Variants in ABHD14A observed in about 807,000 individuals in gnomAD.
ABHD14A encodes protein ABHD14A.
ABHD14A carries 19 observed loss-of-function variants against 27.0 expected under a neutral mutation model. The ratio of observed to expected loss-of-function variants is 0.70; its 90% confidence interval spans 0.49 to 1.03. The LOEUF (loss-of-function observed/expected upper bound fraction) is 1.03. ABHD14A is among the 50% of genes least tolerant of loss of function. The pLI is 0.00. For synonymous variants in ABHD14A, 148 were observed against 158.8 expected (o/e 0.93, Z 0.51); for missense variants, 311 against 344.6 (o/e 0.90, Z 0.77).
In ABHD14A at chr3:51,980,675, T is replaced by TGGGGG. The variant is rs753007139; in HGVS notation, c.633+50_633+54dup. The TGGGGG allele has an allele frequency of 1.9e-6, 3 of 1,590,618 alleles. No homozygotes were observed. The South Asian group carries it at 3.4e-5, about 18-fold the overall frequency. ...AGGTCCTGGCACCCTGTCTGTGGCT[T>TGGGGG]GGGGGGGTTCAGGACTCAAGTCTTA... On this transcript the variant is annotated intron_variant, in intron 4 of 4. Coordinates refer to ENST00000273596, the MANE Select transcript of ABHD14A (RefSeq NM_015407.5).
intron 1 of ABHD14A, among the ~76,000 whole-genome samples, chr3:51,975,547 G>A (rs927166372): frequency 3.3e-5 from 5 of 151,884 alleles, no homozygotes; most frequent in African/African-American, 1.2e-4. Flanking sequence ...TTAAGGGTAT[G>A]TGTCTACCTG....
intron 3 of ABHD14A, among the ~76,000 whole-genome samples, chr3:51,979,682 A>G (rs1478544980): frequency 2.0e-5 from 3 of 151,348 alleles, no homozygotes; most frequent in Non-Finnish European, 2.9e-5. Context: ...ACAGGGTTTC[A>G]CCATGTTGGT....
intron 1 of ABHD14A, 136 bp from the exon 2 acceptor site, chr3:51,977,735 T>C: frequency 7.4e-6 from 6 of 815,580 alleles, no homozygotes; most frequent in South Asian, 4.9e-5. Context: ...TCCCAGAACT[T>C]TGCCCAGAGC....
In ABHD14A at chr3:51,975,079, T is replaced by A; in HGVS notation, c.-57T>A. On this transcript the variant is annotated 5_prime_UTR_variant, in exon 1 of 5. An upstream start codon of the reference 5' UTR is lost. Transcript: ENST00000273596. ...TGCGGAGTGCGCAGGCGCGCCGAGA[T>A]GGCCGCGCTCCTGGCCGCCTAGAGC... 1 of 1,269,742 alleles carries A rather than the reference T, an allele frequency of 7.9e-7. No homozygotes were observed. Among genetic ancestry groups the A allele is most frequent in the Non-Finnish European group, 9.9e-7 (1 of 1,007,110 alleles). 78.7% of individuals were successfully genotyped at this position (1,269,742 alleles called of 1,614,324 possible).
chr3:51,981,124 G>A lies in ABHD14A; in HGVS notation c.*106G>A. The A allele has an allele frequency of 7.8e-7, 1 of 1,278,888 alleles. No individual in the cohort carries two copies. The highest frequency in any genetic ancestry group is 1.1e-6 in the Non-Finnish European group (1 of 918,406). 79.2% of individuals were successfully genotyped at this position (1,278,888 alleles called of 1,614,324 possible). A position where few individuals can be genotyped will look rare whatever the true frequency, so the allele number is the denominator to read the frequency against. On this transcript the variant is annotated 3_prime_UTR_variant, in exon 5 of 5. Coordinates refer to ENST00000273596, the MANE Select transcript of ABHD14A (RefSeq NM_015407.5). ...TCTGGGATTGGAGGCCAGAGGCCAG[G>A]GTCAGACCCAGCCAGGACTCCTCAT... is the stretch of plus-strand genomic sequence containing the variant.
intron 1 of ABHD14A, among the ~76,000 whole-genome samples, chr3:51,977,212 AG>A (rs1466932240): frequency 6.6e-6 from 1 of 152,232 alleles, no homozygotes; most frequent in African/African-American, 2.4e-5. Context: ...TATTAAATGC[AG>A]TGAGATTAAA....
intron 2 of ABHD14A, 33 bp downstream of exon 2, chr3:51,978,115 C>T: frequency 6.3e-7 from 1 of 1,599,150 alleles, no homozygotes; most frequent in Non-Finnish European, 8.5e-7. Context: ...AGTGGAGGGA[C>T]TAGGCTCAAG....
chr3:51,978,087 G>C lies in ABHD14A; in HGVS notation c.281+5G>C. On this transcript the variant is annotated splice_donor_5th_base_variant and intron_variant, in intron 2 of 4. Coordinates refer to ENST00000273596, the MANE Select transcript of ABHD14A (RefSeq NM_015407.5). ...CCCACTCAACCAGGCACACAGGTAG[G>C]TGCTGCTCCAAGGGTCTAGTGGAGG... 1 of 1,612,598 alleles carries C rather than the reference G, an allele frequency of 6.2e-7. No individual in the cohort carries two copies.
chr3:51,977,748 G>C (rs1700815855), intron 1 of ABHD14A, 123 bp from the exon 2 acceptor site: 1 of 943,400 alleles, frequency 1.1e-6, no homozygotes, highest in African/African-American at 1.6e-5. Flanking sequence ...CCCAGAGCAA[G>C]GGAAAGGGCA....
rs1380191612 is a variant in ABHD14A, at chr3:51,978,454, G to GTGGCAGGTCACAACATAAGGTGGCA, written c.397+81_397+105dup. 42 of 1,059,692 alleles carry GTGGCAGGTCACAACATAAGGTGGCA rather than the reference G, an allele frequency of 4.0e-5. No individual in the cohort carries two copies. In the African/African-American group the frequency reaches 6.6e-4, roughly 17 times the overall value. 65.6% of individuals were successfully genotyped at this position (1,059,692 alleles called of 1,614,324 possible). A position where few individuals can be genotyped will look rare whatever the true frequency, so the allele number is the denominator to read the frequency against. On this transcript the variant is annotated intron_variant, in intron 3 of 4. Transcript: ENST00000273596. ...CTGGACCCTAGGGTCTGGACAGGCC[G>GTGGCAGGTCACAACATAAGGTGGCA]TGGCAGGTCACAACATAAGGTGGCA...
intron 3 of ABHD14A, 53 bp from the exon 4 acceptor site, chr3:51,980,340 A>T (rs564653488): frequency 9.6e-5 from 149 of 1,555,240 alleles, no homozygotes; most frequent in Non-Finnish European, 1.3e-4. Flanking sequence ...GTGGGCAGGA[A>T]GTCCTGTGCC....
intron 4 of ABHD14A, 86 bp from the exon 5 acceptor site, chr3:51,980,750 G>C (rs756472355): frequency 3.8e-6 from 6 of 1,564,900 alleles, no homozygotes; most frequent in South Asian, 1.2e-5. Flanking sequence ...GAGTTGGATG[G>C]TGTTGGGGAA....
chr3:51,978,528 GA>G (rs1184422036), intron 3 of ABHD14A, 154 bp downstream of exon 3: 11 of 510,310 alleles, frequency 2.2e-5, no homozygotes, highest in Non-Finnish European at 3.4e-5. Context: ...ACTACAGTGT[GA>G]ATTCTAGGTC....
At chr3:51,975,325 A>C in intron 1 of ABHD14A, 121 bp downstream of exon 1, 1 of 917,972 alleles carries the variant, frequency 1.1e-6, no homozygotes, top group Non-Finnish European at 1.4e-6. Context: ...GGGGCCGCGA[A>C]TGTGCATGTG....
chr3:51,976,477 A>C (rs982271876), intron 1 of ABHD14A, among the ~76,000 whole-genome samples: 22 of 151,998 alleles, frequency 1.4e-4, no homozygotes, highest in South Asian at 4.1e-4. Context: ...CAGTTCGAGA[A>C]CAGCCTGGCC....
rs368163729 is a variant in ABHD14A at position 51,980,947 on chromosome 3, C to G, written c.745C>G (p.His249Asp). Reference protein sequence around the residue: ...HSVVKLRNAGHACYLHKPQDF... With the variant: ...HSVVKLRNAGDACYLHKPQDF... ...TGTGGTGAAGCTACGCAATGCAGGCCATGCCTGTTACCTCCACAAGCCGCA... is the reference window on the plus strand; with the variant it reads ...TGTGGTGAAGCTACGCAATGCAGGCGATGCCTGTTACCTCCACAAGCCGCA... Residue 249 changes from histidine (H) to aspartate (D), a missense_variant, in exon 5 of 5, where the codon CAT becomes GAT. Coordinates refer to ENST00000273596, the MANE Select transcript of ABHD14A (RefSeq NM_015407.5). The G allele has an allele frequency of 1.9e-6, 3 of 1,614,118 alleles. No individual in the cohort carries two copies. Among genetic ancestry groups the G allele is most frequent in the Admixed American group, 1.7e-5 (1 of 60,032 alleles).
At chr3:51,980,118 T>G (rs1449085231) in intron 3 of ABHD14A, 3 of 456,428 alleles carry the variant, frequency 6.6e-6, no homozygotes, top group Non-Finnish European at 1.3e-5. Flanking sequence ...GAGACGGAGT[T>G]TCACCGTGTT....
At chr3:51,975,514 T>A (rs1426516150) in intron 1 of ABHD14A, among the ~76,000 whole-genome samples, 1 of 150,310 alleles carries the variant, frequency 6.7e-6, no homozygotes, top group African/African-American at 2.5e-5. Context: ...GTCTTCCGAG[T>A]GTATTTCTGT....
intron 3 of ABHD14A, chr3:51,978,763 T>G (rs1258692412): frequency 8.2e-6 from 2 of 244,994 alleles, no homozygotes; most frequent in Non-Finnish European, 1.7e-5. Context: ...GGCTAATTTT[T>G]GTATTTTTAG....
Sources: gnomAD v4.1 joint callset for allele counts (sites outside exome capture counted in the v4.1 genomes callset) on GRCh38, gnomAD v4.1.1 for gene constraint, MANE v1.5 for transcripts, NCBI Gene and HGNC (gene_info 2026-07-23, HGNC 2026-07-21) for gene names.